The following PDE7A variants were observed in gnomAD, a reference collection of about 807,000 sequenced individuals.
The protein encoded by PDE7A is phosphodiesterase 7A.
A neutral mutation model predicts 64.3 loss-of-function variants in PDE7A; 39 were observed. The ratio of observed to expected loss-of-function variants is 0.61; its 90% confidence interval spans 0.47 to 0.79. PDE7A has a LOEUF of 0.79. PDE7A is among the 30% of genes least tolerant of loss of function. The pLI is 0.00. For missense variants in PDE7A, 470 were observed against 582.8 expected, an observed-to-expected ratio of 0.81 and a Z score of 1.99; for synonymous variants, 203 against 206.8, an observed-to-expected ratio of 0.98 and a Z score of 0.16.
chr8:65,765,438 G>A (rs1213961410), intron 3 of PDE7A: 1 of 121,760 alleles, frequency 8.2e-6, no homozygotes, highest in Admixed American at 1.0e-4. Context: ...GCAGTGAGCC[G>A]AGATCCCGCC....
intron 1 of PDE7A, among the ~76,000 whole-genome samples, chr8:65,805,044 A>G (rs979961869): frequency 2.1e-4 from 32 of 151,776 alleles, no homozygotes; most frequent in African/African-American, 7.2e-4. Context: ...GACTCTCCCT[A>G]TATTGCCCAG....
intron 3 of PDE7A, among the ~76,000 whole-genome samples, chr8:65,754,601 G>A (rs2128910352): frequency 6.6e-6 from 1 of 151,284 alleles, no homozygotes; most frequent in East Asian, 2.0e-4. Context: ...CTCCCAAAGT[G>A]CTGGGATTAC....
At chr8:65,780,645 T>C (rs1398181346) in intron 2 of PDE7A, among the ~76,000 whole-genome samples, 1 of 152,222 alleles carries the variant, frequency 6.6e-6, no homozygotes, top group Admixed American at 6.5e-5. Context: ...AAACTTGACT[T>C]TGAGAAGTTA....
At chr8:65,770,154 TG>T (rs1563499620) in intron 3 of PDE7A, among the ~76,000 whole-genome samples, 1 of 134,202 alleles carries the variant, frequency 7.5e-6, no homozygotes, top group African/African-American at 2.6e-5. Flanking sequence ...TGTGTGTGTG[TG>T]TGTGTGTGCC....
intron 11 of PDE7A, 57 bp downstream of exon 11, chr8:65,724,198 C>A: frequency 9.4e-7 from 1 of 1,063,790 alleles, no homozygotes; most frequent in East Asian, 2.4e-5. Flanking sequence ...TTTATTCTTA[C>A]GATGTTAAAA....
rs867345593 is a variant in PDE7A at position 65,821,641 on chromosome 8, C to A, written c.138+19730G>T. Among the ~76,000 whole-genome samples, 7 of 152,184 alleles carry A rather than the reference C, an allele frequency of 4.6e-5. No individual in the cohort carries two copies. The South Asian group carries it at 8.3e-4, about 18-fold the overall frequency. The stretch of plus-strand genomic sequence containing the variant: ...GTACCATAAATGTTCATTTTTAGAG[C>A]TATGCTGTCCAATGAGAATCACTAG... On this transcript the variant is annotated intron_variant, in intron 1 of 12. Transcript: ENST00000401827.
intron 1 of PDE7A, chr8:65,838,416 T>C (rs1408678838): frequency 6.6e-6 from 1 of 152,204 alleles, no homozygotes; most frequent in Non-Finnish European, 1.5e-5. Context: ...AAACTCACAT[T>C]AACCATTTGA....
intron 1 of PDE7A, among the ~76,000 whole-genome samples, chr8:65,786,023 AAACTT>A (rs1349896626): frequency 2.6e-5 from 4 of 152,304 alleles, no homozygotes; most frequent in East Asian, 1.9e-4. Context: ...ATGGCATACT[AAACTT>A]AACTAAGGTA....
chr8:65,840,469 T>C (rs1230385029), intron 1 of PDE7A, among the ~76,000 whole-genome samples: 1 of 151,802 alleles, frequency 6.6e-6, no homozygotes, highest in Non-Finnish European at 1.5e-5. Context: ...AGAGAAAATA[T>C]ACTCCCATAA....
chr8:65,776,457 A>T (rs1014815782), intron 3 of PDE7A, among the ~76,000 whole-genome samples: 1 of 152,150 alleles, frequency 6.6e-6, no homozygotes. Context: ...TTTCACTGTG[A>T]TTTCACTAAA....
chr8:65,839,646 G>C (rs922839217), intron 1 of PDE7A, among the ~76,000 whole-genome samples: 11 of 152,148 alleles, frequency 7.2e-5, no homozygotes, highest in Non-Finnish European at 1.6e-4. Flanking sequence ...AAAGTTGTAA[G>C]GGTTAGCAAA....
At chr8:65,833,160 C>G (rs762204589) in intron 1 of PDE7A, among the ~76,000 whole-genome samples, 4 of 152,098 alleles carry the variant, frequency 2.6e-5, no homozygotes, top group African/African-American at 4.8e-5. Flanking sequence ...CCTTTAAATC[C>G]TGGAAGACAG....
chr8:65,788,810 G>A (rs530697643), intron 1 of PDE7A: 68 of 980,534 alleles, frequency 6.9e-5, no homozygotes, highest in Non-Finnish European at 9.6e-5. Flanking sequence ...GGAGAAAATC[G>A]AGCTATTTAA....
intron 5 of PDE7A, among the ~76,000 whole-genome samples, chr8:65,740,568 T>G (rs924690952): frequency 2.0e-5 from 3 of 152,014 alleles, no homozygotes; most frequent in African/African-American, 7.2e-5. Context: ...GCCCGGCTAA[T>G]TTTTTGTATT....
In PDE7A at chr8:65,734,809, G is replaced by C; in HGVS notation, c.681C>G (p.Tyr227Ter). 6.3e-7 allele frequency: 1 copy of C among 1,596,520 alleles called. No homozygotes were observed. The highest frequency in any genetic ancestry group is 8.6e-7 in the Non-Finnish European group (1 of 1,164,320). ...AADVTQAMHC[Y>*]LKEPKLANSV... is the part of the protein sequence containing the mutation. ...AACCTCTTACCTTAGGTTCCTTTAA[G>C]TAACAGTGCATGGCCTGAGTAACAT... The change falls in exon 7 of 13, where the codon TAC (tyrosine) becomes TAG (stop). Residue 227 changes from tyrosine (Y) to a stop codon, truncating the protein, a stop_gained. Coordinates refer to ENST00000401827, the MANE Select transcript of PDE7A (RefSeq NM_001242318.3). LOFTEE classifies it high-confidence loss of function.
chr8:65,758,456 A>T (rs1019440632), intron 3 of PDE7A, among the ~76,000 whole-genome samples: 6 of 152,136 alleles, frequency 3.9e-5, no homozygotes, highest in Non-Finnish European at 8.8e-5. Context: ...CCTTGGCAAG[A>T]ATTTATAGTC....
intron 7 of PDE7A, among the ~76,000 whole-genome samples, chr8:65,731,186 CTA>C (rs1806872404): frequency 6.6e-6 from 1 of 152,102 alleles, no homozygotes; most frequent in Non-Finnish European, 1.5e-5. Flanking sequence ...GCCAAAATTC[CTA>C]TCTTACTCAT....
chr8:65,769,064 A>G (rs1041452450), intron 3 of PDE7A, among the ~76,000 whole-genome samples: 1 of 152,058 alleles, frequency 6.6e-6, no homozygotes, highest in African/African-American at 2.4e-5. Context: ...CCTGGCCAAC[A>G]TGGTGAAACC....
intron 1 of PDE7A, among the ~76,000 whole-genome samples, chr8:65,815,882 T>C (rs190501503): frequency 1.1e-3 from 162 of 152,298 alleles, no homozygotes; most frequent in Middle Eastern, 0.01. Flanking sequence ...TCCGACTACA[T>C]CTTAGTGGGG....
Sources: allele counts gnomAD v4.1 joint callset (sites outside exome capture counted in the v4.1 genomes callset), GRCh38; gene constraint gnomAD v4.1.1; transcripts MANE v1.5; gene names NCBI Gene and HGNC (gene_info 2026-07-23, HGNC 2026-07-21).